PRLR: variants seen among roughly 807,000 people sequenced by gnomAD.
The protein encoded by PRLR is prolactin receptor, also known as hPRL receptor.
Under a neutral mutation model 40.2 loss-of-function variants are expected in PRLR, and 13 were observed. That is an observed-to-expected ratio of 0.32 (90% CI 0.21 to 0.51). PRLR has a LOEUF of 0.51. Ranked by LOEUF, PRLR falls within the 20% of genes least tolerant of loss-of-function variation. PRLR has a pLI of 0.97. For synonymous variants in PRLR, 269 were observed against 278.7 expected, an observed-to-expected ratio of 0.97 and a Z score of 0.35; for missense variants, 656 against 747.3, an observed-to-expected ratio of 0.88 and a Z score of 1.42.
At position 35,192,002 on chromosome 5, in the gene PRLR, C is replaced by T. The variant is rs180735262; in HGVS notation, c.-106+38266G>A. Among the ~76,000 whole-genome samples, 566 of 152,278 alleles carry T rather than the reference C, an allele frequency of 3.7e-3. 10 individuals carry two copies. Among genetic ancestry groups the T allele is most frequent in the Admixed American group, 0.035 (531 of 15,294 alleles). On this transcript the variant is annotated intron_variant, in intron 1 of 9. Transcript: ENST00000618457. The stretch of plus-strand genomic sequence containing the variant: ...AGTCCAGAGGAATTCTTTCTAGATC[C>T]GCCCAGTTGGGTTCCAGGCCCTCTC...
Position 35,066,120 on chromosome 5 carries a change from CAAG to C in PRLR, c.856-21_856-19del. ...TTGCCCTTCTATTAAAACACAGACA[CAAG>C]AAGAGATGGCTGTTAGCTTCATAAC... On this transcript the variant is annotated intron_variant, in intron 9 of 9. Coordinates refer to ENST00000618457, the MANE Select transcript of PRLR (RefSeq NM_000949.7). The C allele has an allele frequency of 6.2e-7, 1 of 1,603,856 alleles. No individual in the cohort carries two copies. Among genetic ancestry groups the C allele is most frequent in the Middle Eastern group, 1.8e-4 (1 of 5,406 alleles).
chr5:35,134,760 C>T (rs1033637938), intron 1 of PRLR, among the ~76,000 whole-genome samples: 28 of 152,202 alleles, frequency 1.8e-4, no homozygotes, highest in Non-Finnish European at 4.0e-4. Context: ...AAAATCACCT[C>T]CTAGACAGTG....
Position 35,138,071 on chromosome 5 carries a change from G to A in PRLR, c.-105-19949C>T, listed in dbSNP as rs1009656814. 1.5e-4 allele frequency among the ~76,000 whole-genome samples: 23 copies of A among 152,286 alleles called. No individual in the cohort carries two copies. In the South Asian group the frequency reaches 4.6e-3, roughly 30 times the overall value. Reference sequence around the variant, plus strand: ...GGAAAAAATGTTTAAAAATTTAGTGGTCCAGTCTGGCCTGGGTTAGGGCTA... The same window carrying A: ...GGAAAAAATGTTTAAAAATTTAGTGATCCAGTCTGGCCTGGGTTAGGGCTA... On this transcript the variant is annotated intron_variant, in intron 1 of 9. Coordinates refer to ENST00000618457, the MANE Select transcript of PRLR (RefSeq NM_000949.7).
At chr5:35,201,163 T>G (rs571822478) in intron 1 of PRLR, among the ~76,000 whole-genome samples, 1 of 152,310 alleles carries the variant, frequency 6.6e-6, no homozygotes, top group South Asian at 2.1e-4. Context: ...GAAGCAATAA[T>G]GCATGCAGAG....
intron 2 of PRLR, among the ~76,000 whole-genome samples, chr5:35,103,164 T>G (rs1279852999): frequency 1.3e-5 from 2 of 152,218 alleles, no homozygotes; most frequent in African/African-American, 4.8e-5. Flanking sequence ...ATGTTCCAGA[T>G]AGTTAAGGTT....
chr5:35,083,444 CTCTCTGTG>C (rs1417181226), intron 5 of PRLR, among the ~76,000 whole-genome samples: 4 of 139,570 alleles, frequency 2.9e-5, no homozygotes, highest in African/African-American at 1.2e-4. Flanking sequence ...CTCTTCCTCT[CTCTCTGTG>C]TGTGTGTGTG....
At chr5:35,100,366 C>T (rs760823175) in intron 2 of PRLR, among the ~76,000 whole-genome samples, 41 of 152,152 alleles carry the variant, frequency 2.7e-4, no homozygotes, top group Non-Finnish European at 4.9e-4. Flanking sequence ...CACATTCAGT[C>T]GCCACTCATT....
At chr5:35,140,606 C>T (rs1477677448) in intron 1 of PRLR, among the ~76,000 whole-genome samples, 1 of 152,210 alleles carries the variant, frequency 6.6e-6, no homozygotes, top group African/African-American at 2.4e-5. Flanking sequence ...AGAACACATG[C>T]AAAGTGTAAT....
Position 35,072,841 on chromosome 5 carries a change from C to T in PRLR, c.374-97G>A, listed in dbSNP as rs1769838951. The T allele has an allele frequency of 6.4e-6, 9 of 1,400,228 alleles. No homozygotes were observed. In the South Asian group the frequency reaches 1.3e-4, roughly 20 times the overall value. 86.7% of individuals were successfully genotyped at this position (1,400,228 alleles called of 1,614,324 possible). A position where few individuals can be genotyped will look rare whatever the true frequency, so the allele number is the denominator to read the frequency against. On this transcript the variant is annotated intron_variant, in intron 5 of 9. Transcript: ENST00000618457. Reference sequence around the variant, plus strand: ...AGGAATTCCTTTTTCTGTTTATCATCTCACTCTTCCCACTGTACTATAAGC... The same window carrying T: ...AGGAATTCCTTTTTCTGTTTATCATTTCACTCTTCCCACTGTACTATAAGC...
At chr5:35,051,150 G>T (rs939103931), downstream of PRLR, among the ~76,000 whole-genome samples, 1 of 152,182 alleles carries the variant, frequency 6.6e-6, no homozygotes, top group African/African-American at 2.4e-5. Flanking sequence ...GTAACATTCT[G>T]GAGAAAGCTA....
chr5:35,069,999 T>C (rs934350643), intron 7 of PRLR, 125 bp downstream of exon 7: 1 of 1,145,542 alleles, frequency 8.7e-7, no homozygotes, highest in African/African-American at 1.6e-5. Flanking sequence ...GCAGAAAGAT[T>C]ATAAACCCAC....
chr5:35,141,580 T>G (rs1027414196), intron 1 of PRLR, among the ~76,000 whole-genome samples: 2 of 152,134 alleles, frequency 1.3e-5, no homozygotes, highest in African/African-American at 4.8e-5. Flanking sequence ...AAAGCAACCA[T>G]GAAGAATGAA....
rs547504131 is a variant in PRLR at position 35,120,038 on chromosome 5, C to T, written c.-105-1916G>A. On this transcript the variant is annotated intron_variant, in intron 1 of 9. Transcript: ENST00000618457. ...TAGCCCTTGTCATCCTCTGCCCTGGCTCCCACGTCTATTCTTTACCTGCTC... is the reference window on the plus strand; with the variant it reads ...TAGCCCTTGTCATCCTCTGCCCTGGTTCCCACGTCTATTCTTTACCTGCTC... Among the ~76,000 whole-genome samples, 2 of 152,272 alleles carry T rather than the reference C, an allele frequency of 1.3e-5. 1 individual carries two copies. Among genetic ancestry groups the T allele is most frequent in the South Asian group, 4.1e-4 (2 of 4,826 alleles).
chr5:35,182,093 C>T (rs910820480), intron 1 of PRLR, among the ~76,000 whole-genome samples: 1 of 152,074 alleles, frequency 6.6e-6, no homozygotes, highest in African/African-American at 2.4e-5. Context: ...GTACTCTGAC[C>T]AGATCAGTAC....
At chr5:35,103,090 A>T (rs545036580) in intron 2 of PRLR, among the ~76,000 whole-genome samples, 1 of 152,312 alleles carries the variant, frequency 6.6e-6, no homozygotes, top group Admixed American at 6.5e-5. Context: ...ACCTGTAGGT[A>T]AATAGATTTT....
chr5:35,178,471 C>T (rs1218432025), intron 1 of PRLR, among the ~76,000 whole-genome samples: 1 of 152,082 alleles, frequency 6.6e-6, no homozygotes, highest in African/African-American at 2.4e-5. Context: ...TAGAGAACTG[C>T]AAAATGTACA....
intron 9 of PRLR, among the ~76,000 whole-genome samples, chr5:35,066,470 G>T (rs921079597): frequency 6.6e-6 from 1 of 152,168 alleles, no homozygotes; most frequent in Non-Finnish European, 1.5e-5. Context: ...AGGTGTGGTT[G>T]CTGGCCTGCT....
chr5:35,137,007 G>A (rs1158767345), intron 1 of PRLR, among the ~76,000 whole-genome samples: 2 of 151,420 alleles, frequency 1.3e-5, no homozygotes, highest in East Asian at 3.9e-4. Flanking sequence ...AGAGGCAGAT[G>A]AGTAGAAGGA....
intron 1 of PRLR, among the ~76,000 whole-genome samples, chr5:35,213,911 C>A (rs376354862): frequency 1.3e-5 from 2 of 152,180 alleles, no homozygotes; most frequent in African/African-American, 4.8e-5. Flanking sequence ...GCACAGCTCC[C>A]GGTCCTGGAG....
Sources: allele counts gnomAD v4.1 joint callset (sites outside exome capture counted in the v4.1 genomes callset), GRCh38; gene constraint gnomAD v4.1.1; transcripts MANE v1.5; gene names NCBI Gene and HGNC (gene_info 2026-07-23, HGNC 2026-07-21).